CREBBP: variants seen among roughly 807,000 people sequenced by gnomAD.
CREBBP encodes CREB-binding protein.
In CREBBP, 19 loss-of-function variants were observed where a neutral mutation model predicts 265.0. That is an observed-to-expected ratio of 0.07 (90% CI 0.05 to 0.11). The LOEUF (loss-of-function observed/expected upper bound fraction) is 0.11, where lower values mean the gene tolerates loss of function less well. Ranked by LOEUF, CREBBP falls within the 10% of genes least tolerant of loss-of-function variation. The pLI is 1.00. For missense variants in CREBBP, 2,525 were observed against 3,219.0 expected, an observed-to-expected ratio of 0.78 and a Z score of 5.22; for synonymous variants, 1,457 against 1,223.7, an observed-to-expected ratio of 1.19 and a Z score of -3.98.
chr16:3,871,362 T>A (rs1336003514), intron 1 of CREBBP, among the ~76,000 whole-genome samples: 1 of 152,064 alleles, frequency 6.6e-6, no homozygotes, highest in Non-Finnish European at 1.5e-5. Flanking sequence ...ACTGACCGCC[T>A]CCCCGTATAA....
intron 1 of CREBBP, among the ~76,000 whole-genome samples, chr16:3,859,469 T>C (rs186004442): frequency 1.3e-5 from 2 of 152,262 alleles, no homozygotes; most frequent in Admixed American, 6.5e-5. Flanking sequence ...GCTGGGATTA[T>C]AGGTGTGAGC....
At chr16:3,826,366 GT>G (rs1234275076) in intron 2 of CREBBP, among the ~76,000 whole-genome samples, 1 of 152,136 alleles carries the variant, frequency 6.6e-6, no homozygotes, top group Non-Finnish European at 1.5e-5. Flanking sequence ...CCTAAAGAAG[GT>G]AGAATATAAA....
intron 23 of CREBBP, chr16:3,742,095 AAC>A (rs1423357976): frequency 1.4e-5 from 2 of 143,330 alleles, no homozygotes; most frequent in East Asian, 4.1e-4. Flanking sequence ...AACAAAACAA[AAC>A]AAAAAAAAAA....
intron 6 of CREBBP, among the ~76,000 whole-genome samples, chr16:3,782,465 G>A (rs1181595236): frequency 1.3e-5 from 2 of 152,212 alleles, no homozygotes; most frequent in African/African-American, 4.8e-5. Flanking sequence ...GGCACAGCAA[G>A]CAACAAAAAC....
chr16:3,807,347 T>C (rs2141335676), intron 3 of CREBBP, among the ~76,000 whole-genome samples: 1 of 152,270 alleles, frequency 6.6e-6, no homozygotes, highest in South Asian at 2.1e-4. Flanking sequence ...CTGACTGGGA[T>C]TGTTTGGGAC....
rs955992858 is a variant in CREBBP, at chr16:3,774,901, G to A, written c.2159-208C>T. 5.3e-5 allele frequency among the ~76,000 whole-genome samples: 8 copies of A among 152,318 alleles called. No individual in the cohort carries two copies. In the South Asian group the frequency reaches 1.0e-3, roughly 20 times the overall value. ...ACGGCATCAATGTGGGGGTGGTGAC[G>A]GTGGCATGGTGAGGGGTACCAGGGA... On this transcript the variant is annotated intron_variant, in intron 11 of 30. Coordinates refer to ENST00000262367, the MANE Select transcript of CREBBP (RefSeq NM_004380.3).
At chr16:3,863,386 T>C (rs2055115431) in intron 1 of CREBBP, among the ~76,000 whole-genome samples, 1 of 152,134 alleles carries the variant, frequency 6.6e-6, no homozygotes, top group Admixed American at 6.5e-5. Context: ...GAAGATCACC[T>C]GAGGTCAGGA....
Position 3,757,971 on chromosome 16 carries a change from C to G in CREBBP, c.3447G>C (p.Glu1149Asp). Residue 1149 changes from glutamate (E) to aspartate (D), a missense_variant, in exon 18 of 31, where the codon GAG becomes GAC. This residue lies in a region of CREBBP where 252 missense variants were observed against 452.5 expected (regional missense o/e 0.56). Transcript: ENST00000262367. ...AGACGTCGTCCACGTACTGCCAGGGCTCTTGGTATTGCCCTGTGTCCAGCT... is the reference window on the plus strand; with the variant it reads ...AGACGTCGTCCACGTACTGCCAGGGGTCTTGGTATTGCCCTGTGTCCAGCT... Reference protein sequence around the residue: ...KRKLDTGQYQEPWQYVDDVWL... With the variant: ...KRKLDTGQYQDPWQYVDDVWL... 1 of 1,613,804 alleles carries G rather than the reference C, an allele frequency of 6.2e-7. No homozygotes were observed. Among genetic ancestry groups the G allele is most frequent in the Non-Finnish European group, 8.5e-7 (1 of 1,180,004 alleles).
intron 26 of CREBBP, among the ~76,000 whole-genome samples, chr16:3,738,166 C>G (rs756029073): frequency 6.6e-6 from 1 of 151,974 alleles, no homozygotes; most frequent in Non-Finnish European, 1.5e-5. Context: ...GGTGATCCAC[C>G]GCAGCAGGAG....
chr16:3,769,422 C>G (rs2141193531), intron 14 of CREBBP, 69 bp from the exon 15 acceptor site: 1 of 1,566,132 alleles, frequency 6.4e-7, no homozygotes, highest in Non-Finnish European at 8.8e-7. Context: ...CTATGCTGCT[C>G]ATGCAACCTA....
Position 3,851,180 on chromosome 16 carries a change from C to T in CREBBP, c.86-171G>A, listed in dbSNP as rs551516232. Among the ~76,000 whole-genome samples the T allele has an allele frequency of 9.3e-5, 14 of 150,812 alleles. No homozygotes were observed. The East Asian group carries it at 2.2e-3, about 23-fold the overall frequency. ...GCGCATGCCTGTAATCCCAGCTACT[C>T]GGGAGGCTAAGGCAGGAGAATAGCT... is the stretch of plus-strand genomic sequence containing the variant. On this transcript the variant is annotated intron_variant, in intron 1 of 30. Transcript: ENST00000262367.
At chr16:3,825,807 T>C (rs2054225777) in intron 2 of CREBBP, among the ~76,000 whole-genome samples, 1 of 152,198 alleles carries the variant, frequency 6.6e-6, no homozygotes, top group South Asian at 2.1e-4. Context: ...TCATTGTGTA[T>C]CTTCAAAAGC....
Position 3,880,266 on chromosome 16 carries a change from C to G in CREBBP, c.-350G>C, listed in dbSNP as rs1162273502. On this transcript the variant is annotated 5_prime_UTR_variant, in exon 1 of 31. Transcript: ENST00000262367. ...GGGCCCGGCTGGCAGCGACGGCGCC[C>G]GGCCGGGCGGCTCAGGCAGTCCCCG... is the stretch of plus-strand genomic sequence containing the variant. 1 of 141,828 alleles carries G rather than the reference C, an allele frequency of 7.1e-6. No individual in the cohort carries two copies. The highest frequency in any genetic ancestry group is 6.9e-5 in the Admixed American group (1 of 14,414). The allele number at this position is 141,828 out of a possible 1,614,324, so 8.8% of individuals were successfully genotyped here.
At position 3,810,612 on chromosome 16, in the gene CREBBP, C is replaced by T. The variant is rs895400962; in HGVS notation, c.966G>A (p.Val322=). The T allele has an allele frequency of 6.2e-7, 1 of 1,613,628 alleles. No individual in the cohort carries two copies. Among genetic ancestry groups the T allele is most frequent in the Admixed American group, 1.7e-5 (1 of 60,002 alleles). The change falls in exon 3 of 31, where the codon GTG becomes GTA. Residue 322 remains valine, a synonymous_variant. Coordinates refer to ENST00000262367, the MANE Select transcript of CREBBP (RefSeq NM_004380.3). Reference sequence around the variant, plus strand: ...GCCAAGGGTAACTTACCATATTTGGCACGTTGGTGACTGAAGTATTCTTGA... The same window carrying T: ...GCCAAGGGTAACTTACCATATTTGGTACGTTGGTGACTGAAGTATTCTTGA... The part of the protein sequence containing the change: ...TDIKNTSVTN[V]PNMSQMQTSV...
intron 28 of CREBBP, among the ~76,000 whole-genome samples, chr16:3,735,016 G>A (rs2052016068): frequency 6.6e-6 from 1 of 152,096 alleles, no homozygotes; most frequent in African/African-American, 2.4e-5. Context: ...TTCAACGTTC[G>A]TCATCGCTCT....
chr16:3,818,282 T>C (rs1397362771), intron 2 of CREBBP, among the ~76,000 whole-genome samples: 1 of 151,670 alleles, frequency 6.6e-6, no homozygotes, highest in East Asian at 1.9e-4. Flanking sequence ...AGTGCCGAGT[T>C]TGATGTTTAG....
In CREBBP at chr16:3,752,387, C is replaced by T. The variant is rs145124005; in HGVS notation, c.3699-581G>A. Reference sequence around the variant, plus strand: ...GACAGCAATTCAGAGATTTTATTTCCGGTATTAAGCCAGATCTTTAAATGT... The same window carrying T: ...GACAGCAATTCAGAGATTTTATTTCTGGTATTAAGCCAGATCTTTAAATGT... On this transcript the variant is annotated intron_variant, in intron 19 of 30. Transcript: ENST00000262367. 5.9e-3 allele frequency among the ~76,000 whole-genome samples: 890 copies of T among 151,350 alleles called. 10 individuals carry two copies. Among genetic ancestry groups the T allele is most frequent in the African/African-American group, 0.02 (814 of 41,280 alleles).
chr16:3,810,853 C>A, intron 2 of CREBBP, 74 bp from the exon 3 acceptor site: 11 of 1,461,184 alleles, frequency 7.5e-6, no homozygotes, highest in African/African-American at 1.4e-5. Context: ...GAAATGCTCA[C>A]ACAGTTTCCT....
At chr16:3,745,520 T>C (rs1245447037) in intron 21 of CREBBP, 166 bp from the exon 22 acceptor site, 1 of 682,746 alleles carries the variant, frequency 1.5e-6, no homozygotes, top group Non-Finnish European at 2.7e-6. Flanking sequence ...AATGCATCCG[T>C]ATGATATCTT....
Sources: gnomAD v4.1 joint callset for allele counts (sites outside exome capture counted in the v4.1 genomes callset) on GRCh38, gnomAD v4.1.1 for gene constraint, gnomAD v4.1.1 regional missense constraint, MANE v1.5 for transcripts, NCBI Gene and HGNC (gene_info 2026-07-23, HGNC 2026-07-21) for gene names.